ASTN2: variants seen among roughly 807,000 people sequenced by gnomAD.
ASTN2 encodes astrotactin-2.
Under a neutral mutation model 139.8 loss-of-function variants are expected in ASTN2, and 54 were observed. The observed-to-expected ratio is 0.39, with a 90% CI of 0.31 to 0.48. The LOEUF (loss-of-function observed/expected upper bound fraction) is 0.48. Ranked by LOEUF, ASTN2 falls within the 20% of genes least tolerant of loss-of-function variation. The pLI, the probability that ASTN2 is intolerant of heterozygous loss-of-function variation, is 0.95. For missense variants in ASTN2, 1,565 were observed against 1,725.1 expected, an observed-to-expected ratio of 0.91 and a Z score of 1.64; for synonymous variants, 756 against 719.5, an observed-to-expected ratio of 1.05 and a Z score of -0.81.
At chr9:117,026,147 G>C (rs924555177) in intron 6 of ASTN2, among the ~76,000 whole-genome samples, 1 of 151,712 alleles carries the variant, frequency 6.6e-6, no homozygotes, top group African/African-American at 2.4e-5. Context: ...CAAGAAGTAG[G>C]CATCTGATCT....
At chr9:116,655,981 G>C (rs986537363) in intron 16 of ASTN2, among the ~76,000 whole-genome samples, 1 of 152,164 alleles carries the variant, frequency 6.6e-6, no homozygotes, top group East Asian at 1.9e-4. Flanking sequence ...GCCCACCTCA[G>C]CCTCCCAAAG....
At chr9:117,352,854 A>G (rs1829428126) in intron 1 of ASTN2, among the ~76,000 whole-genome samples, 1 of 152,216 alleles carries the variant, frequency 6.6e-6, no homozygotes, top group Non-Finnish European at 1.5e-5. Flanking sequence ...AAGCTTTGAC[A>G]TATGCCTCAT....
chr9:116,495,248 C>T (rs534416116), intron 19 of ASTN2, among the ~76,000 whole-genome samples: 1 of 152,300 alleles, frequency 6.6e-6, no homozygotes, highest in African/African-American at 2.4e-5. Flanking sequence ...GTTGGTTTGA[C>T]TGGCTATAAA....
intron 1 of ASTN2, among the ~76,000 whole-genome samples, chr9:117,387,709 T>C (rs2130938984): frequency 6.6e-6 from 1 of 152,294 alleles, no homozygotes; most frequent in South Asian, 2.1e-4. Flanking sequence ...CTTCCTAGCA[T>C]CATTCCCCTA....
At chr9:117,341,736 A>G (rs1829066771) in intron 1 of ASTN2, among the ~76,000 whole-genome samples, 1 of 152,100 alleles carries the variant, frequency 6.6e-6, no homozygotes, top group Non-Finnish European at 1.5e-5. Context: ...TTCTAATGAG[A>G]CTCACTAGCT....
intron 11 of ASTN2, among the ~76,000 whole-genome samples, chr9:116,845,988 T>C (rs1005936529): frequency 2.6e-5 from 4 of 152,308 alleles, no homozygotes; most frequent in Non-Finnish European, 1.5e-5. Context: ...CATTGACAGA[T>C]ACATATACAC....
chr9:117,082,304 C>T (rs1828448996), intron 5 of ASTN2, among the ~76,000 whole-genome samples: 1 of 152,192 alleles, frequency 6.6e-6, no homozygotes, highest in South Asian at 2.1e-4. Context: ...CCAATGCTCA[C>T]TTTCAGCAAT....
chr9:117,101,818 C>G (rs113344663), intron 4 of ASTN2, among the ~76,000 whole-genome samples: 7 of 152,198 alleles, frequency 4.6e-5, no homozygotes, highest in African/African-American at 1.7e-4. Flanking sequence ...AAATGCAAAC[C>G]GAAACCATAG....
chr9:116,634,589 CAAAAAA>C lies in ASTN2; in HGVS notation c.3073-14152_3073-14147del, dbSNP rs57882262. Among the ~76,000 whole-genome samples the C allele has an allele frequency of 2.3e-3, 240 of 104,190 alleles. 2 individuals are homozygous for C. Among genetic ancestry groups the C allele is most frequent in the Non-Finnish European group, 2.7e-3 (139 of 51,462 alleles). 68.4% of individuals were successfully genotyped at this position (104,190 alleles called of 152,430 possible). A position where few individuals can be genotyped will look rare whatever the true frequency, so the allele number is the denominator to read the frequency against. On this transcript the variant is annotated intron_variant, in intron 17 of 22. Coordinates refer to ENST00000313400, the MANE Select transcript of ASTN2 (RefSeq NM_001365068.1). Reference sequence around the variant, plus strand: ...TGGGCGACAGAGCGAGACTCCGTCTCAAAAAAAAAAAAAAAAAAAAAAAAAAATAAG... The same window carrying C: ...TGGGCGACAGAGCGAGACTCCGTCTCAAAAAAAAAAAAAAAAAAAAATAAG...
intron 1 of ASTN2, among the ~76,000 whole-genome samples, chr9:117,309,435 C>T (rs570040524): frequency 1.2e-4 from 19 of 152,170 alleles, no homozygotes; most frequent in Non-Finnish European, 2.2e-4. Context: ...GCCTTCTGAC[C>T]CCTAAGATCA....
intron 19 of ASTN2, among the ~76,000 whole-genome samples, chr9:116,593,820 A>G (rs1206935061): frequency 6.6e-6 from 1 of 152,026 alleles, no homozygotes. Flanking sequence ...ATCTGTCTGA[A>G]TTTCCTCTTA....
Position 116,618,467 on chromosome 9 carries a change from C to A in ASTN2, c.3212G>T (p.Arg1071Leu), listed in dbSNP as rs760878265. 6.2e-7 allele frequency: 1 copy of A among 1,611,102 alleles called. No homozygotes were observed. Among genetic ancestry groups the A allele is most frequent in the Admixed American group, 1.7e-5 (1 of 59,296 alleles). ...NCSPLLQPVLRLSPTVEPSST... is the reference protein window; with the variant it reads ...NCSPLLQPVLLLSPTVEPSST... ...GGAGGGCTCCACTGTTGGGGACAGC[C>A]GCAGCCTACAGGGAATAAAAAGGAA... The change falls in exon 19 of 23, where the codon CGG (arginine) becomes CTG (leucine). Residue 1071 changes from arginine (R) to leucine (L), a missense_variant. Physicochemically the swap from Arg to Leu is moderately radical, Grantham distance 102 (BLOSUM62 -2). This residue lies in a region of ASTN2 where 418 missense variants were observed against 465.8 expected (regional missense o/e 0.90). Coordinates refer to ENST00000313400, the MANE Select transcript of ASTN2 (RefSeq NM_001365068.1).
At chr9:117,219,513 G>A (rs184476940) in intron 2 of ASTN2, among the ~76,000 whole-genome samples, 3 of 152,168 alleles carry the variant, frequency 2.0e-5, no homozygotes, top group East Asian at 1.9e-4. Flanking sequence ...CCTCAGGGAC[G>A]ATCTGATGCC....
At chr9:116,786,056 G>C (rs368820718) in intron 13 of ASTN2, among the ~76,000 whole-genome samples, 2 of 151,864 alleles carry the variant, frequency 1.3e-5, no homozygotes, top group East Asian at 3.9e-4. Context: ...TACTTGCCCC[G>C]CCTCCTTCCC....
chr9:117,184,464 T>C (rs1831149490), intron 3 of ASTN2, among the ~76,000 whole-genome samples: 1 of 152,146 alleles, frequency 6.6e-6, no homozygotes, highest in Non-Finnish European at 1.5e-5. Flanking sequence ...GATATCTCTG[T>C]CTGCCGACCT....
chr9:116,963,439 C>G (rs1564362163), intron 10 of ASTN2, among the ~76,000 whole-genome samples: 1 of 152,072 alleles, frequency 6.6e-6, no homozygotes, highest in South Asian at 2.1e-4. Context: ...CTGGCTGAAA[C>G]AGTATGAATT....
At chr9:117,041,328 C>T (rs1246573946) in intron 5 of ASTN2, among the ~76,000 whole-genome samples, 1 of 152,018 alleles carries the variant, frequency 6.6e-6, no homozygotes, top group Admixed American at 6.6e-5. Context: ...CTGTGGCTAT[C>T]CAATTAGAAT....
intron 19 of ASTN2, among the ~76,000 whole-genome samples, chr9:116,537,120 T>C (rs1220702744): frequency 6.6e-6 from 1 of 152,190 alleles, no homozygotes; most frequent in East Asian, 1.9e-4. Flanking sequence ...GTGCTAGCAA[T>C]GAGTGAGGCT....
At chr9:117,005,997 C>T (rs1837343842) in intron 7 of ASTN2, among the ~76,000 whole-genome samples, 1 of 152,144 alleles carries the variant, frequency 6.6e-6, no homozygotes, top group Admixed American at 6.6e-5. Context: ...CAGGCATTAA[C>T]TGCACACAGG....
Sources: gnomAD v4.1 joint callset for allele counts (sites outside exome capture counted in the v4.1 genomes callset) on GRCh38, gnomAD v4.1.1 for gene constraint, gnomAD v4.1.1 regional missense constraint, MANE v1.5 for transcripts, NCBI Gene and HGNC (gene_info 2026-07-23, HGNC 2026-07-21) for gene names.